Variants in NHLRC2 observed in about 807,000 individuals in gnomAD.
NHLRC2 encodes the protein NHL repeat-containing protein 2.
In NHLRC2, 33 loss-of-function variants were observed where a neutral mutation model predicts 68.1. The ratio of observed to expected loss-of-function variants is 0.48; its 90% CI spans 0.37 to 0.65. The LOEUF (loss-of-function observed/expected upper bound fraction) is 0.65. Among genes scored for constraint, NHLRC2 ranks in the 30% least tolerant of loss-of-function variants. NHLRC2 has a pLI of 0.00. For missense variants in NHLRC2, 761 were observed against 853.8 expected (o/e 0.89, Z 1.35); for synonymous variants, 311 against 309.6 (o/e 1.00, Z -0.05).
chr10:113,882,272 G>A (rs918622659), intron 4 of NHLRC2, among the ~76,000 whole-genome samples: 1 of 151,700 alleles, frequency 6.6e-6, no homozygotes, highest in Non-Finnish European at 1.5e-5. Flanking sequence ...TTTGAGAGCT[G>A]CTGAATTATT....
chr10:113,908,050 T>C (rs771441655), intron 10 of NHLRC2, among the ~76,000 whole-genome samples: 3 of 152,138 alleles, frequency 2.0e-5, no homozygotes, highest in Non-Finnish European at 4.4e-5. Context: ...TTTTATAGTA[T>C]CCAAAGGAAG....
chr10:113,856,962 G>T (rs898002992), intron 1 of NHLRC2, among the ~76,000 whole-genome samples: 1 of 152,114 alleles, frequency 6.6e-6, no homozygotes, highest in Non-Finnish European at 1.5e-5. Context: ...TTTCCATTTT[G>T]TTGGTTGTGT....
chr10:113,881,633 C>T (rs994329489), intron 4 of NHLRC2, among the ~76,000 whole-genome samples: 3 of 151,572 alleles, frequency 2.0e-5, no homozygotes, highest in Non-Finnish European at 3.0e-5. Context: ...CATTGTGATA[C>T]GTTTAATGCA....
rs148097872 is a variant in NHLRC2 at position 113,898,580 on chromosome 10, A to T, written c.1139+371A>T. Among the ~76,000 whole-genome samples the T allele has an allele frequency of 4.2e-3, 636 of 152,302 alleles. 4 individuals are homozygous for T. Among genetic ancestry groups the T allele is most frequent in the African/African-American group, 0.015 (616 of 41,552 alleles). Reference sequence around the variant, plus strand: ...ATCAGCCAGAGTAAGTCTTAGGGCCACACTTCACTTCATGGAACCTGCAAA... The same window carrying T: ...ATCAGCCAGAGTAAGTCTTAGGGCCTCACTTCACTTCATGGAACCTGCAAA... On this transcript the variant is annotated intron_variant, in intron 6 of 10. Transcript: ENST00000369301.
At chr10:113,863,156 A>G (rs1268020891) in intron 2 of NHLRC2, among the ~76,000 whole-genome samples, 1 of 152,220 alleles carries the variant, frequency 6.6e-6, no homozygotes, top group Non-Finnish European at 1.5e-5. Context: ...CCCCAACAAG[A>G]TAACACTACC....
chr10:113,885,505 A>T (rs1440171004), intron 5 of NHLRC2, among the ~76,000 whole-genome samples: 2 of 151,968 alleles, frequency 1.3e-5, no homozygotes, highest in African/African-American at 4.8e-5. Context: ...AGCAATTCTA[A>T]ATAATTTCAG....
Position 113,905,010 on chromosome 10 carries a change from C to A in NHLRC2, c.1898C>A (p.Ser633Tyr). 6.5e-7 allele frequency: 1 copy of A among 1,528,682 alleles called. No homozygotes were observed. The allele number at this position is 1,528,682 out of a possible 1,614,324, so 94.7% of individuals were successfully genotyped here. ...PSGSKLTEGV[S>Y]SCWFLTAEGN... ...GGATCAAAGCTAACTGAAGGAGTAT[C>A]CAGTTGCTGGTTTCTAACAGCTGAA... is the stretch of plus-strand genomic sequence containing the variant. Residue 633 changes from serine to tyrosine, a missense_variant, in exon 10 of 11, where the codon TCC becomes TAC. Physicochemically the swap from Ser to Tyr is moderately radical, Grantham distance 144. Transcript: ENST00000369301.
At chr10:113,893,351 C>G (rs1846149677) in intron 5 of NHLRC2, among the ~76,000 whole-genome samples, 1 of 152,182 alleles carries the variant, frequency 6.6e-6, no homozygotes, top group African/African-American at 2.4e-5. Context: ...AATCTAGAGT[C>G]AGATTCACTA....
chr10:113,875,008 G>C (rs961411229), intron 2 of NHLRC2, among the ~76,000 whole-genome samples: 3 of 150,980 alleles, frequency 2.0e-5, no homozygotes, highest in Admixed American at 2.0e-4. Flanking sequence ...TTGGTAAGTC[G>C]AACATCTGCT....
At chr10:113,876,458 G>A in intron 2 of NHLRC2, 63 bp from the exon 3 acceptor site, 1 of 936,044 alleles carries the variant, frequency 1.1e-6, no homozygotes, top group Non-Finnish European at 1.6e-6. Flanking sequence ...AACCTAATGT[G>A]TAGATGATGA....
chr10:113,915,130 G>T lies in NHLRC2; in HGVS notation c.*6594G>T, dbSNP rs1373694389. Reference sequence around the variant, plus strand: ...CCTAGACACTTGCTGTGGAATGTTTGCCTGGTTGTATTGGTGTGTCCCTCT... The same window carrying T: ...CCTAGACACTTGCTGTGGAATGTTTTCCTGGTTGTATTGGTGTGTCCCTCT... On this transcript the variant is annotated 3_prime_UTR_variant, in exon 11 of 11. Transcript: ENST00000369301. The T allele has an allele frequency of 2.2e-6, 1 of 456,192 alleles. No homozygotes were observed. The highest frequency in any genetic ancestry group is 4.4e-6 in the Non-Finnish European group (1 of 226,982). The allele number at this position is 456,192 out of a possible 1,614,324, so 28.3% of individuals were successfully genotyped here.
rs1249782885 is a variant in NHLRC2, at chr10:113,913,704, T to C, written c.*5168T>C. ...CAAGTGAGCTCTGGAAATACAGTCT[T>C]CTGCTTTCTTGTTTCATAAATAACA... On this transcript the variant is annotated 3_prime_UTR_variant, in exon 11 of 11. Coordinates refer to ENST00000369301, the MANE Select transcript of NHLRC2 (RefSeq NM_198514.4). The C allele has an allele frequency of 6.6e-6, 1 of 152,232 alleles. No homozygotes were observed. Among genetic ancestry groups the C allele is most frequent in the African/African-American group, 2.4e-5 (1 of 41,464 alleles). The allele number at this position is 152,232 out of a possible 1,614,324, so 9.4% of individuals were successfully genotyped here. A position where few individuals can be genotyped will look rare whatever the true frequency, so the allele number is the denominator to read the frequency against.
intron 3 of NHLRC2, 92 bp from the exon 4 acceptor site, chr10:113,879,482 T>C: frequency 8.7e-7 from 1 of 1,144,814 alleles, no homozygotes; most frequent in South Asian, 1.5e-5. Flanking sequence ...TTTTTTTATA[T>C]TAAAATCCCA....
intron 2 of NHLRC2, among the ~76,000 whole-genome samples, chr10:113,860,250 T>A (rs2134687100): frequency 6.6e-6 from 1 of 152,268 alleles, no homozygotes; most frequent in East Asian, 1.9e-4. Context: ...ACCAGTTCCA[T>A]ACCTAAGATC....
rs776098199 is a variant in NHLRC2, at chr10:113,916,994, G to A, written c.*8458G>A. ...ATTTATTTCAAGACTGTACTTTTCA[G>A]TGACTTTTTCAAGTGCATGTGTTAA... On this transcript the variant is annotated 3_prime_UTR_variant, in exon 11 of 11. Transcript: ENST00000369301. 5.3e-5 allele frequency: 8 copies of A among 152,112 alleles called. No homozygotes were observed. The highest frequency in any genetic ancestry group is 1.5e-5 in the Non-Finnish European group (1 of 68,006). The allele number at this position is 152,112 out of a possible 1,614,324, so 9.4% of individuals were successfully genotyped here.
chr10:113,906,162 A>T (rs534716468), intron 10 of NHLRC2, among the ~76,000 whole-genome samples: 14 of 152,316 alleles, frequency 9.2e-5, no homozygotes, highest in Admixed American at 3.9e-4. Context: ...CAGTGTATTA[A>T]ATGGTGTCAC....
In NHLRC2 at chr10:113,867,205, C is replaced by T. The variant is rs184885005; in HGVS notation, c.331+8525C>T. ...TGAAAACCCTCCCGAAATCTAAGCT[C>T]CCAGAAGCCAGGCAAGAGCCAATCT... On this transcript the variant is annotated intron_variant, in intron 2 of 10. Transcript: ENST00000369301. 3.2e-3 allele frequency among the ~76,000 whole-genome samples: 486 copies of T among 152,340 alleles called. 2 individuals are homozygous for T. Among genetic ancestry groups the T allele is most frequent in the African/African-American group, 0.011 (464 of 41,578 alleles).
intron 2 of NHLRC2, among the ~76,000 whole-genome samples, chr10:113,864,902 G>C (rs1483476077): frequency 6.6e-6 from 1 of 151,730 alleles, no homozygotes; most frequent in Non-Finnish European, 1.5e-5. Context: ...CAGCCATAGT[G>C]GGAGTATTTA....
chr10:113,864,547 A>T (rs1483760153), intron 2 of NHLRC2, among the ~76,000 whole-genome samples: 1 of 151,952 alleles, frequency 6.6e-6, no homozygotes, highest in Non-Finnish European at 1.5e-5. Flanking sequence ...GAAATACAAA[A>T]ATTGCTGGGT....
Sources: allele counts gnomAD v4.1 joint callset (sites outside exome capture counted in the v4.1 genomes callset), GRCh38; gene constraint gnomAD v4.1.1; transcripts MANE v1.5; gene names NCBI Gene and HGNC (gene_info 2026-07-23, HGNC 2026-07-21).